The following DSE variants were observed in gnomAD, a reference collection of about 807,000 sequenced individuals.
The protein encoded by DSE is dermatan-sulfate epimerase.
In DSE, 36 loss-of-function variants were observed where a neutral mutation model predicts 84.4. That is an observed-to-expected ratio of 0.43 (90% confidence interval 0.33 to 0.56). The LOEUF (loss-of-function observed/expected upper bound fraction) is 0.56, where lower values mean the gene tolerates loss of function less well. Among genes scored for constraint, DSE ranks in the 20% least tolerant of loss-of-function variants. The pLI, the probability that DSE is intolerant of heterozygous loss-of-function variation, is 0.06. For synonymous variants in DSE, 410 were observed against 430.1 expected (o/e 0.95, Z 0.58); for missense variants, 862 against 1,169.6 (o/e 0.74, Z 3.84).
At position 116,437,184 on chromosome 6, in the gene DSE, A is replaced by T; in HGVS notation, c.2716A>T (p.Ile906Phe). The change falls in exon 6 of 6, where the codon ATT becomes TTT. Residue 906 changes from isoleucine (I) to phenylalanine (F), a missense_variant. This residue lies in a region of DSE where 315 missense variants were observed against 348.1 expected (regional missense o/e 0.90). Coordinates refer to ENST00000644252, the MANE Select transcript of DSE (RefSeq NM_013352.4). Reference sequence around the variant, plus strand: ...TGCTTCCTATACCAGGTTGTTCCTGATTCTGAACATTGCTATTTTCTTTGT... The same window carrying T: ...TGCTTCCTATACCAGGTTGTTCCTGTTTCTGAACATTGCTATTTTCTTTGT... The part of the protein sequence containing the change: ...LSASYTRLFL[I>F]LNIAIFFVML... The T allele has an allele frequency of 6.2e-7, 1 of 1,614,120 alleles. No individual in the cohort carries two copies. The highest frequency in any genetic ancestry group is 8.5e-7 in the Non-Finnish European group (1 of 1,180,012).
rs1270988909 is a variant in DSE, at chr6:116,442,196, G to C, written c.*4851G>C. 6.6e-6 allele frequency: 1 copy of C among 152,440 alleles called. No homozygotes were observed. The highest frequency in any genetic ancestry group is 1.9e-4 in the East Asian group (1 of 5,190). 9.4% of individuals were successfully genotyped at this position (152,440 alleles called of 1,614,324 possible). The stretch of plus-strand genomic sequence containing the variant: ...TATGTGTTTGGTGTATTTAGGACTA[G>C]GAGGCCAGTGTGGCTAGAGCAGAGT... On this transcript the variant is annotated 3_prime_UTR_variant, in exon 6 of 6. Coordinates refer to ENST00000644252, the MANE Select transcript of DSE (RefSeq NM_013352.4).
intron 2 of DSE, chr6:116,277,633 TCTGAG>T (rs998661996): frequency 2.0e-5 from 3 of 151,620 alleles, no homozygotes; most frequent in African/African-American, 7.3e-5. Flanking sequence ...TACAAATGTT[TCTGAG>T]CTATCACTTT....
intron 1 of DSE, among the ~76,000 whole-genome samples, chr6:116,393,284 C>G (rs1229632120): frequency 2.0e-5 from 3 of 152,148 alleles, no homozygotes; most frequent in Non-Finnish European, 4.4e-5. Context: ...GTATACTTTC[C>G]TTTCCAGTGA....
chr6:116,397,748 T>C (rs1268693223), intron 1 of DSE, among the ~76,000 whole-genome samples: 2 of 152,246 alleles, frequency 1.3e-5, no homozygotes, highest in Non-Finnish European at 2.9e-5. Flanking sequence ...TCATATGTTT[T>C]ATTTAGTATG....
At chr6:116,284,331 A>G (rs1238063955) in intron 2 of DSE, among the ~76,000 whole-genome samples, 1 of 152,162 alleles carries the variant, frequency 6.6e-6, no homozygotes, top group Non-Finnish European at 1.5e-5. Context: ...TTTAGTTGTC[A>G]TAAGAACCCC....
intron 2 of DSE, among the ~76,000 whole-genome samples, chr6:116,304,746 A>C (rs868534571): frequency 6.6e-6 from 1 of 152,154 alleles, no homozygotes; most frequent in African/African-American, 2.4e-5. Flanking sequence ...GGGGTTCCTC[A>C]GTTCTTCAGG....
At position 116,436,777 on chromosome 6, in the gene DSE, T is replaced by G; in HGVS notation, c.2309T>G (p.Phe770Cys). Reference sequence around the variant, plus strand: ...TCCCGAGTCCGGAACACAGCTAGCTTTAGGAAGACTGCTGAACGCCTGCTG... The same window carrying G: ...TCCCGAGTCCGGAACACAGCTAGCTGTAGGAAGACTGCTGAACGCCTGCTG... ...ILSRVRNTAS[F>C]RKTAERLLRF... The change falls in exon 6 of 6, where the codon TTT becomes TGT. Residue 770 changes from phenylalanine to cysteine, a missense_variant. Transcript: ENST00000644252. The G allele has an allele frequency of 6.2e-7, 1 of 1,614,024 alleles. No homozygotes were observed. Among genetic ancestry groups the G allele is most frequent in the Non-Finnish European group, 8.5e-7 (1 of 1,180,014 alleles).
intron 2 of DSE, among the ~76,000 whole-genome samples, chr6:116,357,597 T>G (rs1241440044): frequency 6.6e-6 from 1 of 152,216 alleles, no homozygotes; most frequent in Non-Finnish European, 1.5e-5. Flanking sequence ...ACAGTTATTT[T>G]AAGCCAAAAA....
chr6:116,291,118 A>T (rs1774254966), intron 2 of DSE, among the ~76,000 whole-genome samples: 1 of 152,194 alleles, frequency 6.6e-6, no homozygotes, highest in South Asian at 2.1e-4. Context: ...TCTGAAAGTC[A>T]TGGACTTTGT....
chr6:116,269,351 C>T (rs963993909), intron 2 of DSE, among the ~76,000 whole-genome samples: 2 of 152,180 alleles, frequency 1.3e-5, no homozygotes, highest in Non-Finnish European at 2.9e-5. Context: ...AGCTGACTTG[C>T]TCATTTTTAT....
chr6:116,371,251 G>C (rs1779539394), intron 1 of DSE, 130 bp downstream of exon 1: 14 of 972,150 alleles, frequency 1.4e-5, no homozygotes, highest in Non-Finnish European at 1.7e-5. Context: ...CCGGCTGAGA[G>C]CGGAGCGCCG....
At chr6:116,428,056 G>A (rs1471709102) in intron 3 of DSE, among the ~76,000 whole-genome samples, 1 of 152,208 alleles carries the variant, frequency 6.6e-6, no homozygotes, top group East Asian at 1.9e-4. Flanking sequence ...GGGCGTTGTG[G>A]CGTGTGCCTG....
rs60041450 is a variant in DSE, at chr6:116,299,500, ATTTT to A, written c.-54+40535_-54+40538del. ...CTCATCCTGAAAGGCTTCTTGAATT[ATTTT>A]TATATATATATATATATATATATAT... On this transcript the variant is annotated intron_variant, in intron 2 of 3. Transcript: ENST00000430252. Among the ~76,000 whole-genome samples, 641 of 89,278 alleles carry A rather than the reference ATTTT, an allele frequency of 7.2e-3. 8 individuals are homozygous for A. The highest frequency in any genetic ancestry group is 0.028 in the Middle Eastern group (5 of 178). 58.6% of individuals were successfully genotyped at this position (89,278 alleles called of 152,430 possible).
At chr6:116,400,945 G>T (rs138480848) in intron 2 of DSE, 123 of 152,166 alleles carry the variant, frequency 8.1e-4, no homozygotes, top group African/African-American at 2.8e-3. Flanking sequence ...ACATTATTTA[G>T]AAAGAAACCT....
At chr6:116,319,795 A>G (rs188173704) in intron 2 of DSE, among the ~76,000 whole-genome samples, 2 of 152,188 alleles carry the variant, frequency 1.3e-5, no homozygotes, top group African/African-American at 4.8e-5. Context: ...CACTGCAGTC[A>G]TGTTGGTCAA....
intron 2 of DSE, among the ~76,000 whole-genome samples, chr6:116,341,988 T>C (rs373604887): frequency 6.6e-6 from 1 of 152,186 alleles, no homozygotes; most frequent in East Asian, 1.9e-4. Context: ...CTTTTTTGGT[T>C]CCAATATGTT....
intron 2 of DSE, among the ~76,000 whole-genome samples, chr6:116,358,201 T>C (rs1778685442): frequency 6.6e-6 from 1 of 152,194 alleles, no homozygotes; most frequent in Non-Finnish European, 1.5e-5. Context: ...TTGTAGGTGA[T>C]TTTTTTGTTT....
In DSE at chr6:116,436,152, C is replaced by T; in HGVS notation, c.1684C>T (p.His562Tyr). 2.5e-6 allele frequency: 4 copies of T among 1,613,162 alleles called. No individual in the cohort carries two copies. Among genetic ancestry groups the T allele is most frequent in the Non-Finnish European group, 3.4e-6 (4 of 1,180,012 alleles). ...KNVQRNLILLHPQLLLLVDQI... is the reference protein window; with the variant it reads ...KNVQRNLILLYPQLLLLVDQI... ...TGTTCAGAGGAATCTCATCCTCCTA[C>T]ATCCACAGCTGCTTCTCCTTGTAGA... Residue 562 changes from histidine (H) to tyrosine (Y), a missense_variant, in exon 6 of 6, where the codon CAT (histidine) becomes TAT (tyrosine). His to Tyr is a moderately conservative substitution (Grantham distance 83). This residue lies in a region of DSE where 186 missense variants were observed against 255.1 expected (regional missense o/e 0.73). Transcript: ENST00000644252.
At chr6:116,380,492 G>C (rs989847485) in intron 1 of DSE, among the ~76,000 whole-genome samples, 1 of 152,038 alleles carries the variant, frequency 6.6e-6, no homozygotes, top group African/African-American at 2.4e-5. Flanking sequence ...AAAGAGGAAA[G>C]GAGAAAGCAC....
Sources: allele counts gnomAD v4.1 joint callset (sites outside exome capture counted in the v4.1 genomes callset), GRCh38; gene constraint gnomAD v4.1.1; regional missense constraint gnomAD v4.1.1; transcripts MANE v1.5; gene names NCBI Gene and HGNC (gene_info 2026-07-23, HGNC 2026-07-21).